Variants in SLC41A2 observed in about 807,000 individuals in gnomAD.
The protein encoded by SLC41A2 is SLC41A1-like 1.
In SLC41A2, 32 loss-of-function variants were observed where a neutral mutation model predicts 58.3. The observed-to-expected ratio is 0.55, with a 90% CI of 0.41 to 0.74. SLC41A2 has a LOEUF of 0.74. Among genes scored for constraint, SLC41A2 ranks in the 30% least tolerant of loss-of-function variants. The pLI is 0.00. For synonymous variants in SLC41A2, 190 were observed against 235.0 expected, an observed-to-expected ratio of 0.81 and a Z score of 1.75; for missense variants, 514 against 680.6, an observed-to-expected ratio of 0.76 and a Z score of 2.72.
chr12:104,811,489 AT>A (rs2041172358), intron 10 of SLC41A2, among the ~76,000 whole-genome samples: 1 of 152,214 alleles, frequency 6.6e-6, no homozygotes, highest in Non-Finnish European at 1.5e-5. Context: ...GTTTAGTATA[AT>A]GGCAAGAATA....
chr12:104,828,462 T>A (rs936871379), intron 10 of SLC41A2, among the ~76,000 whole-genome samples: 1 of 152,194 alleles, frequency 6.6e-6, no homozygotes, highest in Non-Finnish European at 1.5e-5. Flanking sequence ...TGAGCTAACA[T>A]AAACCATCTA....
chr12:104,806,583 A>G (rs564532700), intron 10 of SLC41A2, among the ~76,000 whole-genome samples: 163 of 152,040 alleles, frequency 1.1e-3, no homozygotes, highest in Non-Finnish European at 2.0e-3. Context: ...TATACCCAGT[A>G]ATGGGATGGC....
intron 8 of SLC41A2, among the ~76,000 whole-genome samples, chr12:104,850,885 AAAAGTCACATGGACTAG>A (rs1336737093): frequency 3.9e-5 from 6 of 152,366 alleles, no homozygotes; most frequent in African/African-American, 1.4e-4. Flanking sequence ...AAATGTGTTT[AAAAGTCACATGGACTAG>A]ATAGAATAAT....
At chr12:104,876,044 C>A (rs531731189) in intron 6 of SLC41A2, among the ~76,000 whole-genome samples, 9 of 152,222 alleles carry the variant, frequency 5.9e-5, no homozygotes, top group East Asian at 1.9e-4. Flanking sequence ...AGAATTTATC[C>A]ATTTCCTCTA....
chr12:104,889,929 A>G (rs2044867235), intron 4 of SLC41A2, among the ~76,000 whole-genome samples: 1 of 152,152 alleles, frequency 6.6e-6, no homozygotes, highest in Non-Finnish European at 1.5e-5. Context: ...ACTAAGAAAT[A>G]ACACTCACCG....
At chr12:104,827,358 T>G (rs1318111659) in intron 10 of SLC41A2, among the ~76,000 whole-genome samples, 1 of 152,090 alleles carries the variant, frequency 6.6e-6, no homozygotes, top group African/African-American at 2.4e-5. Context: ...GGGAGAGAAA[T>G]GCAGGAAAGA....
At chr12:104,826,903 A>T (rs2468105) in intron 10 of SLC41A2, among the ~76,000 whole-genome samples, 113,534 of 152,154 alleles carry the variant, frequency 0.75, 42,967 homozygotes, top group African/African-American at 0.88. Flanking sequence ...GTATCATGTA[A>T]AGTGTCAGGG....
intron 3 of SLC41A2, among the ~76,000 whole-genome samples, chr12:104,896,886 G>C (rs1018679275): frequency 6.6e-6 from 1 of 152,188 alleles, no homozygotes; most frequent in Non-Finnish European, 1.5e-5. Flanking sequence ...GAAGTCACCA[G>C]TGAAGCAAAG....
intron 8 of SLC41A2, among the ~76,000 whole-genome samples, chr12:104,849,414 C>A (rs934077919): frequency 2.0e-5 from 3 of 152,156 alleles, no homozygotes; most frequent in Non-Finnish European, 4.4e-5. Context: ...GATTGGCAAA[C>A]CTTTTAGCCT....
chr12:104,901,458 T>A (rs2045555740), intron 3 of SLC41A2, among the ~76,000 whole-genome samples: 1 of 152,078 alleles, frequency 6.6e-6, no homozygotes, highest in African/African-American at 2.4e-5. Context: ...TAGAAACAAG[T>A]TTTGACTCAA....
chr12:104,881,825 T>C (rs554118693), intron 6 of SLC41A2, among the ~76,000 whole-genome samples: 33 of 152,312 alleles, frequency 2.2e-4, no homozygotes, highest in African/African-American at 6.7e-4. Flanking sequence ...TAGATGTCTA[T>C]TAGGTCCACT....
chr12:104,939,885 TACAG>T (rs2047432426), intron 1 of SLC41A2, among the ~76,000 whole-genome samples: 1 of 152,200 alleles, frequency 6.6e-6, no homozygotes, highest in South Asian at 2.1e-4. Flanking sequence ...CATACACACA[TACAG>T]ACACACCTAG....
chr12:104,837,718 T>C (rs1000527531), intron 10 of SLC41A2, among the ~76,000 whole-genome samples: 2 of 152,008 alleles, frequency 1.3e-5, no homozygotes, highest in African/African-American at 4.8e-5. Flanking sequence ...AATAACCAGC[T>C]CTAACACTGA....
chr12:104,936,891 GTGTT>G (rs1306798600), intron 1 of SLC41A2, among the ~76,000 whole-genome samples: 1 of 152,212 alleles, frequency 6.6e-6, no homozygotes, highest in Non-Finnish European at 1.5e-5. Context: ...CAATGTGTGT[GTGTT>G]TTAAGCTAAG....
At chr12:104,909,629 A>G in intron 3 of SLC41A2, 26 bp downstream of exon 3, 1 of 1,460,880 alleles carries the variant, frequency 6.8e-7, no homozygotes, top group Non-Finnish European at 9.5e-7. Context: ...GGTAATACAC[A>G]TAATTTGAGG....
intron 7 of SLC41A2, among the ~76,000 whole-genome samples, chr12:104,863,591 T>C (rs2043293812): frequency 6.6e-6 from 1 of 152,220 alleles, no homozygotes; most frequent in Non-Finnish European, 1.5e-5. Flanking sequence ...AACATGCTTA[T>C]ACTGCTATTT....
chr12:104,864,941 G>A (rs2043362339), intron 7 of SLC41A2, among the ~76,000 whole-genome samples: 1 of 151,764 alleles, frequency 6.6e-6, no homozygotes, highest in South Asian at 2.1e-4. Context: ...TTTTATGTTA[G>A]AGGCCTTTAT....
intron 10 of SLC41A2, among the ~76,000 whole-genome samples, chr12:104,828,953 C>T (rs1592951943): frequency 6.6e-6 from 1 of 152,094 alleles, no homozygotes; most frequent in Non-Finnish European, 1.5e-5. Flanking sequence ...CATGATACTA[C>T]CTTTACAGCC....
At position 104,949,823 on chromosome 12, in the gene SLC41A2, T is replaced by C. The variant is rs112623553; in HGVS notation, c.-168+8265A>G. ...GCCTCGAACTCCCGACCTCAGGTGA[T>C]CCGCCTGCCTCAGCCTCCCAAAGTA... is the stretch of plus-strand genomic sequence containing the variant. On this transcript the variant is annotated intron_variant, in intron 1 of 10. Transcript: ENST00000258538. Among the ~76,000 whole-genome samples the C allele has an allele frequency of 1.2e-4, 19 of 152,294 alleles. 1 individual carries two copies. The highest frequency in any genetic ancestry group is 2.9e-4 in the African/African-American group (12 of 41,566).
Sources: gnomAD v4.1 joint callset for allele counts (sites outside exome capture counted in the v4.1 genomes callset) on GRCh38, gnomAD v4.1.1 for gene constraint, MANE v1.5 for transcripts, NCBI Gene and HGNC (gene_info 2026-07-23, HGNC 2026-07-21) for gene names.